DSE: variants seen among roughly 807,000 people sequenced by gnomAD.
DSE encodes the protein dermatan-sulfate epimerase.
DSE carries 36 observed loss-of-function variants against 84.4 expected under a neutral mutation model. The ratio of observed to expected loss-of-function variants is 0.43; its 90% CI spans 0.33 to 0.56. DSE has a LOEUF of 0.56. Ranked by LOEUF, DSE falls within the 20% of genes least tolerant of loss-of-function variation. DSE has a pLI of 0.06. For synonymous variants in DSE, 410 were observed against 430.1 expected (o/e 0.95, Z 0.58); for missense variants, 862 against 1,169.6 (o/e 0.74, Z 3.84).
intron 2 of DSE, among the ~76,000 whole-genome samples, chr6:116,312,596 T>A (rs1338539970): frequency 3.9e-5 from 6 of 152,194 alleles, no homozygotes; most frequent in African/African-American, 1.4e-4. Flanking sequence ...ACCCATAATA[T>A]ACTTAGCTCT....
chr6:116,319,941 A>G (rs370643587), intron 2 of DSE, among the ~76,000 whole-genome samples: 6 of 152,302 alleles, frequency 3.9e-5, no homozygotes, highest in Admixed American at 3.9e-4. Context: ...AAACAGGACT[A>G]ACTCTTGGTA....
intron 2 of DSE, among the ~76,000 whole-genome samples, chr6:116,411,212 A>G (rs980037133): frequency 2.6e-5 from 4 of 152,130 alleles, no homozygotes; most frequent in Non-Finnish European, 5.9e-5. Flanking sequence ...AATATATCCA[A>G]TATGAAATAT....
chr6:116,381,718 G>T (rs1780235463), intron 1 of DSE, among the ~76,000 whole-genome samples: 1 of 152,116 alleles, frequency 6.6e-6, no homozygotes, highest in Non-Finnish European at 1.5e-5. Flanking sequence ...GCACTTTATT[G>T]TTCATTGGTG....
chr6:116,430,546 CTTTTT>C (rs923301908), intron 3 of DSE, among the ~76,000 whole-genome samples: 1 of 147,072 alleles, frequency 6.8e-6, no homozygotes, highest in African/African-American at 2.5e-5. Flanking sequence ...GAGTCAATAA[CTTTTT>C]TTTTTTTTGA....
chr6:116,317,523 G>T (rs907759301), intron 2 of DSE, among the ~76,000 whole-genome samples: 1 of 152,168 alleles, frequency 6.6e-6, no homozygotes, highest in Non-Finnish European at 1.5e-5. Flanking sequence ...ATAATTTTTA[G>T]TAAGGATGCT....
chr6:116,366,993 T>C (rs980009203), upstream of DSE: 9 of 152,202 alleles, frequency 5.9e-5, no homozygotes, highest in African/African-American at 1.9e-4. Context: ...AGGTCAATGT[T>C]TCATTTTTTT....
At position 116,399,312 on chromosome 6, in the gene DSE, C is replaced by T. The variant is rs1781448890; in HGVS notation, c.62C>T (p.Ser21Leu). ...VFFIYLLCFVSAYITDENPEV... is the reference protein window; with the variant it reads ...VFFIYLLCFVLAYITDENPEV... ...TTCATATATTTGCTTTGCTTTGTGT[C>T]AGCCTACATCACCGACGAGAACCCA... Residue 21 changes from serine to leucine, a missense_variant, in exon 2 of 6, where the codon TCA becomes TTA. Coordinates refer to ENST00000644252, the MANE Select transcript of DSE (RefSeq NM_013352.4). The T allele has an allele frequency of 1.2e-6, 2 of 1,613,934 alleles. No individual in the cohort carries two copies. The highest frequency in any genetic ancestry group is 1.7e-6 in the Non-Finnish European group (2 of 1,180,050).
intron 2 of DSE, among the ~76,000 whole-genome samples, chr6:116,274,732 T>C (rs1773046078): frequency 6.6e-6 from 1 of 152,190 alleles, no homozygotes; most frequent in Non-Finnish European, 1.5e-5. Context: ...TTTTGCAAAA[T>C]ATTCAGTGCA....
At chr6:116,380,546 C>T (rs190305233) in intron 1 of DSE, among the ~76,000 whole-genome samples, 103 of 152,218 alleles carry the variant, frequency 6.8e-4, no homozygotes, top group Non-Finnish European at 1.3e-3. Flanking sequence ...AGAAGAGGAG[C>T]AAGCAGATAT....
intron 2 of DSE, among the ~76,000 whole-genome samples, chr6:116,354,758 C>T (rs1056180452): frequency 6.6e-6 from 1 of 152,006 alleles, no homozygotes; most frequent in African/African-American, 2.4e-5. Flanking sequence ...TGTTTATTTT[C>T]CCACAGTTTT....
chr6:116,273,041 T>C (rs1326669290), intron 2 of DSE, among the ~76,000 whole-genome samples: 1 of 152,226 alleles, frequency 6.6e-6, no homozygotes, highest in African/African-American at 2.4e-5. Flanking sequence ...AACATTAGCT[T>C]ATACTGCAAG....
chr6:116,437,444 A>G lies in DSE; in HGVS notation c.*99A>G. 8.8e-7 allele frequency: 1 copy of G among 1,134,646 alleles called. No individual in the cohort carries two copies. Among genetic ancestry groups the G allele is most frequent in the Non-Finnish European group, 1.2e-6 (1 of 830,094 alleles). 70.3% of individuals were successfully genotyped at this position (1,134,646 alleles called of 1,614,324 possible). On this transcript the variant is annotated 3_prime_UTR_variant, in exon 6 of 6. Coordinates refer to ENST00000644252, the MANE Select transcript of DSE (RefSeq NM_013352.4). Reference sequence around the variant, plus strand: ...AGATTATCAGATTTTTTTCCCTCAGATTCATTTTAACAAATTAAGGGAAGA... The same window carrying G: ...AGATTATCAGATTTTTTTCCCTCAGGTTCATTTTAACAAATTAAGGGAAGA...
upstream of DSE, chr6:116,369,676 A>G (rs1279562213): frequency 7.0e-6 from 2 of 287,222 alleles, no homozygotes; most frequent in South Asian, 3.3e-5. Context: ...GTTTATGCAA[A>G]TTAGTGGTTC....
In DSE at chr6:116,443,734, A is replaced by AGAATGTTTTT. The variant is rs1248366221; in HGVS notation, c.*6389_*6390insGAATGTTTTT. The stretch of plus-strand genomic sequence containing the variant: ...AATTTCTTAAGAAAAGAGCTTCTAA[A>AGAATGTTTTT]AACATTCAGTCAGCCCAGCACATTC... On this transcript the variant is annotated 3_prime_UTR_variant, in exon 6 of 6. Coordinates refer to ENST00000644252, the MANE Select transcript of DSE (RefSeq NM_013352.4). 6.6e-6 allele frequency: 1 copy of AGAATGTTTTT among 152,206 alleles called. No homozygotes were observed. The highest frequency in any genetic ancestry group is 1.5e-5 in the Non-Finnish European group (1 of 68,042). The allele number at this position is 152,206 out of a possible 1,614,324, so 9.4% of individuals were successfully genotyped here. A position where few individuals can be genotyped will look rare whatever the true frequency, so the allele number is the denominator to read the frequency against.
intron 2 of DSE, among the ~76,000 whole-genome samples, chr6:116,263,823 G>C (rs1053302058): frequency 2.0e-5 from 3 of 152,164 alleles, no homozygotes; most frequent in African/African-American, 7.2e-5. Context: ...GCATTTGCTT[G>C]TCTGAAAAGG....
At position 116,348,830 on chromosome 6, in the gene DSE, A is replaced by G. The variant is rs574943594; in HGVS notation, c.-53-50368A>G. Among the ~76,000 whole-genome samples, 48 of 152,342 alleles carry G rather than the reference A, an allele frequency of 3.2e-4. No homozygotes were observed. The South Asian group carries it at 9.9e-3, about 32-fold the overall frequency. ...ATGAGTTCATGTCCTTTGTAGGGAC[A>G]TGGATGAAGCTGGAAACCATCATTC... On this transcript the variant is annotated intron_variant, in intron 2 of 3. Transcript: ENST00000430252.
At chr6:116,415,509 G>A (rs578227907) in intron 2 of DSE, among the ~76,000 whole-genome samples, 1 of 149,904 alleles carries the variant, frequency 6.7e-6, no homozygotes, top group East Asian at 1.9e-4. Flanking sequence ...TGATATATTT[G>A]GATCTCCTTT....
In DSE at chr6:116,440,133, G is replaced by GTA. The variant is rs1784381864; in HGVS notation, c.*2790_*2791dup. 6.6e-6 allele frequency: 1 copy of GTA among 152,056 alleles called. No homozygotes were observed. The highest frequency in any genetic ancestry group is 2.1e-4 in the South Asian group (1 of 4,822). 9.4% of individuals were successfully genotyped at this position (152,056 alleles called of 1,614,324 possible). A position where few individuals can be genotyped will look rare whatever the true frequency, so the allele number is the denominator to read the frequency against. On this transcript the variant is annotated 3_prime_UTR_variant, in exon 6 of 6. Transcript: ENST00000644252. The stretch of plus-strand genomic sequence containing the variant: ...CTGGAACTATTTTAATTGTTAAAAT[G>GTA]TATCACCTAAGATAATGAATTCTTC...
At chr6:116,267,361 T>C (rs906228465) in intron 2 of DSE, among the ~76,000 whole-genome samples, 1 of 152,178 alleles carries the variant, frequency 6.6e-6, no homozygotes, top group Non-Finnish European at 1.5e-5. Flanking sequence ...AAGACAGTGA[T>C]ATTGATAATC....
Sources: gnomAD v4.1 joint callset for allele counts (sites outside exome capture counted in the v4.1 genomes callset) on GRCh38, gnomAD v4.1.1 for gene constraint, MANE v1.5 for transcripts, NCBI Gene and HGNC (gene_info 2026-07-23, HGNC 2026-07-21) for gene names.